Variants in ERC2 observed in about 807,000 individuals in gnomAD.
ERC2 encodes the protein ELKS/RAB6-interacting/CAST family member 2.
Under a neutral mutation model 114.8 loss-of-function variants are expected in ERC2, and 42 were observed. The ratio of observed to expected loss-of-function variants is 0.37; its 90% confidence interval spans 0.29 to 0.47. The LOEUF is 0.47. ERC2 is among the 20% of genes least tolerant of loss of function. The pLI is 0.99. For missense variants in ERC2, 939 were observed against 1,150.7 expected, an observed-to-expected ratio of 0.82 and a Z score of 2.66; for synonymous variants, 454 against 425.5, an observed-to-expected ratio of 1.07 and a Z score of -0.82.
chr3:55,542,388 G>T (rs1441350029), intron 17 of ERC2, among the ~76,000 whole-genome samples: 1 of 152,214 alleles, frequency 6.6e-6, no homozygotes, highest in African/African-American at 2.4e-5. Flanking sequence ...TCTGTGAAAA[G>T]AGTGCAGAAG....
chr3:56,160,838 T>C (rs1242997981), intron 4 of ERC2, among the ~76,000 whole-genome samples: 1 of 152,226 alleles, frequency 6.6e-6, no homozygotes, highest in East Asian at 1.9e-4. Context: ...CTGGTCTATG[T>C]GTCTGTTTTT....
chr3:55,909,011 C>T (rs911703428), intron 13 of ERC2, among the ~76,000 whole-genome samples: 10 of 152,284 alleles, frequency 6.6e-5, no homozygotes, highest in Admixed American at 2.6e-4. Context: ...GCCCACTTAC[C>T]GGACAGAACA....
intron 4 of ERC2, among the ~76,000 whole-genome samples, chr3:56,170,302 T>C (rs567364200): frequency 1.3e-5 from 2 of 152,348 alleles, no homozygotes; most frequent in East Asian, 1.9e-4. Context: ...CCCAGTTTGA[T>C]GCAGGCAGAT....
At chr3:56,323,504 A>C (rs1334224517) in intron 2 of ERC2, among the ~76,000 whole-genome samples, 1 of 152,172 alleles carries the variant, frequency 6.6e-6, no homozygotes, top group Non-Finnish European at 1.5e-5. Flanking sequence ...CTGCAGCCTC[A>C]TGAAGGACCT....
intron 17 of ERC2, among the ~76,000 whole-genome samples, chr3:55,559,733 A>G (rs2055872907): frequency 6.6e-6 from 1 of 152,240 alleles, no homozygotes; most frequent in African/African-American, 2.4e-5. Context: ...TCTCCACTGG[A>G]GATGTGAACA....
rs871176 is a variant in ERC2, at chr3:55,588,348, G to A, written c.*40-77072C>T. Among the ~76,000 whole-genome samples the A allele has an allele frequency of 8.6e-3, 1,302 of 151,902 alleles. 24 individuals carry two copies. Among genetic ancestry groups the A allele is most frequent in the African/African-American group, 0.03 (1,229 of 41,348 alleles). On this transcript the variant is annotated intron_variant, in intron 17 of 17. Coordinates refer to ENST00000288221, the MANE Select transcript of ERC2 (RefSeq NM_015576.3). ...GTGATGTGGAGTGCATCAGTTACACGAGCCATTTGGAGCATTTTTCCAAGA... is the reference window on the plus strand; with the variant it reads ...GTGATGTGGAGTGCATCAGTTACACAAGCCATTTGGAGCATTTTTCCAAGA...
In ERC2 at chr3:55,928,039, G is replaced by A. The variant is rs145862395; in HGVS notation, c.2403+22386C>T. On this transcript the variant is annotated intron_variant, in intron 13 of 17. Coordinates refer to ENST00000288221, the MANE Select transcript of ERC2 (RefSeq NM_015576.3). Reference sequence around the variant, plus strand: ...GACACTTAGGTTCCTTCCAAATCTTGGCTATTGTGAATAGTACTGCAGTAA... The same window carrying A: ...GACACTTAGGTTCCTTCCAAATCTTAGCTATTGTGAATAGTACTGCAGTAA... 2.9e-3 allele frequency among the ~76,000 whole-genome samples: 445 copies of A among 152,196 alleles called. 5 individuals carry two copies. The highest frequency in any genetic ancestry group is 0.01 in the African/African-American group (432 of 41,540).
At chr3:56,408,416 A>T (rs1393709903) in intron 2 of ERC2, among the ~76,000 whole-genome samples, 1 of 152,144 alleles carries the variant, frequency 6.6e-6, no homozygotes, top group African/African-American at 2.4e-5. Context: ...GGGTTAAGTA[A>T]GGGAGATAGG....
chr3:55,948,650 G>A (rs1302839771), intron 13 of ERC2, among the ~76,000 whole-genome samples: 1 of 152,176 alleles, frequency 6.6e-6, no homozygotes, highest in Non-Finnish European at 1.5e-5. Flanking sequence ...CTTTTATGAA[G>A]AGGTTATGAG....
rs1449372814 is a variant in ERC2 at position 56,173,510 on chromosome 3, C to T, written c.1085G>A (p.Arg362Gln). The T allele has an allele frequency of 5.6e-6, 9 of 1,613,830 alleles. No homozygotes were observed. The highest frequency in any genetic ancestry group is 2.2e-5 in the East Asian group (1 of 44,860). ...TGGCTCCGGCTGAAGTTGGCTTCTT[C>T]GGTGCAATTCCTGGGGAGGAACACG... ...ENIHLREELH[R>Q]RSQLQPEPAK... is the part of the protein sequence containing the mutation. Residue 362 changes from arginine (R) to glutamine (Q), a missense_variant, in exon 4 of 18, where the codon CGA becomes CAA. Physicochemically the swap from Arg to Gln is conservative, Grantham distance 43 (BLOSUM62 1). Coordinates refer to ENST00000288221, the MANE Select transcript of ERC2 (RefSeq NM_015576.3).
At position 56,121,489 on chromosome 3, in the gene ERC2, T is replaced by C. The variant is rs1235716640; in HGVS notation, c.1473+18020A>G. Among the ~76,000 whole-genome samples, 5 of 152,306 alleles carry C rather than the reference T, an allele frequency of 3.3e-5. No homozygotes were observed. In the East Asian group the frequency reaches 9.6e-4, roughly 29 times the overall value. On this transcript the variant is annotated intron_variant, in intron 6 of 17. Coordinates refer to ENST00000288221, the MANE Select transcript of ERC2 (RefSeq NM_015576.3). ...AACCTATATACAGAAAGCATATCTA[T>C]TATGAGTATCCTTATGACTTAAGTT...
intron 10 of ERC2, among the ~76,000 whole-genome samples, chr3:56,003,706 A>G (rs1367475499): frequency 6.6e-6 from 1 of 152,124 alleles, no homozygotes; most frequent in African/African-American, 2.4e-5. Context: ...AAAAATTTAA[A>G]TCAGCAGGAC....
At chr3:55,634,751 G>C (rs2059890398) in intron 17 of ERC2, among the ~76,000 whole-genome samples, 1 of 152,148 alleles carries the variant, frequency 6.6e-6, no homozygotes, top group African/African-American at 2.4e-5. Flanking sequence ...TCTAGAATGA[G>C]CATTAAAAGG....
intron 14 of ERC2, among the ~76,000 whole-genome samples, chr3:55,753,805 T>G (rs145459679): frequency 6.6e-6 from 1 of 152,222 alleles, no homozygotes; most frequent in Non-Finnish European, 1.5e-5. Flanking sequence ...ACTTAAACAA[T>G]GATCAGTTTT....
At chr3:56,280,370 T>C (rs1157714417) in intron 3 of ERC2, among the ~76,000 whole-genome samples, 2 of 152,194 alleles carry the variant, frequency 1.3e-5, no homozygotes, top group Non-Finnish European at 2.9e-5. Context: ...ACTAAGTTTG[T>C]GGTAATTTGT....
intron 2 of ERC2, among the ~76,000 whole-genome samples, chr3:56,357,833 A>G (rs1333924207): frequency 1.3e-5 from 2 of 150,410 alleles, no homozygotes; most frequent in East Asian, 3.9e-4. Context: ...TAAATACTGC[A>G]AGCCTCAAGG....
chr3:55,936,400 AG>A (rs1205762860), intron 13 of ERC2, among the ~76,000 whole-genome samples: 1 of 152,246 alleles, frequency 6.6e-6, no homozygotes, highest in East Asian at 1.9e-4. Flanking sequence ...TGATGGACAA[AG>A]TGCCTATGTG....
intron 3 of ERC2, among the ~76,000 whole-genome samples, chr3:56,295,511 G>A (rs1222247252): frequency 2.0e-5 from 3 of 152,324 alleles, no homozygotes; most frequent in East Asian, 1.9e-4. Flanking sequence ...AAATGTAAAT[G>A]CAGACAAAAA....
chr3:56,040,672 A>C (rs1471625652), intron 7 of ERC2, among the ~76,000 whole-genome samples: 1 of 133,334 alleles, frequency 7.5e-6, no homozygotes, highest in Non-Finnish European at 1.6e-5. Context: ...ACATATATAG[A>C]TAGATACATA....
Sources: gnomAD v4.1 joint callset for allele counts (sites outside exome capture counted in the v4.1 genomes callset) on GRCh38, gnomAD v4.1.1 for gene constraint, MANE v1.5 for transcripts, NCBI Gene and HGNC (gene_info 2026-07-23, HGNC 2026-07-21) for gene names.